The following FGD3 variants were observed in gnomAD, a reference collection of about 807,000 sequenced individuals.
The protein encoded by FGD3 is FYVE, RhoGEF and PH domain-containing protein 3.
A neutral mutation model predicts 71.8 loss-of-function variants in FGD3; 45 were observed. That is an observed-to-expected ratio of 0.63 (90% CI 0.49 to 0.80). The LOEUF (loss-of-function observed/expected upper bound fraction) is 0.80, where lower values mean the gene tolerates loss of function less well. FGD3 is among the 30% of genes least tolerant of loss of function. The pLI is 0.00. For synonymous variants in FGD3, 378 were observed against 392.8 expected (o/e 0.96, Z 0.44); for missense variants, 844 against 951.5 (o/e 0.89, Z 1.49).
At chr9:92,957,592 G>C (rs1003376724) in intron 1 of FGD3, among the ~76,000 whole-genome samples, 1 of 144,522 alleles carries the variant, frequency 6.9e-6, no homozygotes, top group African/African-American at 2.6e-5. Context: ...GAATCTTTTT[G>C]TATTCTGGAC....
Position 93,004,154 on chromosome 9 carries a change from C to T in FGD3, c.680+17C>T. On this transcript the variant is annotated intron_variant, in intron 5 of 17. Transcript: ENST00000375482. ...GGAGGAGTGGTGAGTACCATCTGCG[C>T]ATGCCCATGGGGCCCCTCAAGTGTT... The T allele has an allele frequency of 6.2e-7, 1 of 1,612,590 alleles. No individual in the cohort carries two copies. Among genetic ancestry groups the T allele is most frequent in the Non-Finnish European group, 8.5e-7 (1 of 1,179,940 alleles).
At chr9:92,954,098 G>A (rs889636950) in intron 1 of FGD3, among the ~76,000 whole-genome samples, 3 of 152,214 alleles carry the variant, frequency 2.0e-5, no homozygotes, top group Admixed American at 1.3e-4. Flanking sequence ...GAAAATTCCC[G>A]GAAGCTCACC....
chr9:93,025,336 C>T (rs546412982), intron 14 of FGD3, among the ~76,000 whole-genome samples: 60 of 152,338 alleles, frequency 3.9e-4, no homozygotes, highest in African/African-American at 1.4e-3. Context: ...AGCTCCAGCC[C>T]AGGGCCTCCC....
rs869043960 is a variant in FGD3 at position 92,971,566 on chromosome 9, C to CT, written c.-217-3645dup. Among the ~76,000 whole-genome samples, 393 of 39,574 alleles carry CT rather than the reference C, an allele frequency of 9.9e-3. 13 individuals are homozygous for CT. Among genetic ancestry groups the CT allele is most frequent in the Non-Finnish European group, 0.013 (271 of 21,536 alleles). The allele number at this position is 39,574 out of a possible 152,430, so 26.0% of individuals were successfully genotyped here. A position where few individuals can be genotyped will look rare whatever the true frequency, so the allele number is the denominator to read the frequency against. ...TTTTTCTTTTCTTTTCTTTTCTTTT[C>CT]TTTTTTTTTTTTTTTTTTTTTTTTT... On this transcript the variant is annotated intron_variant, in intron 1 of 17. Coordinates refer to ENST00000375482, the MANE Select transcript of FGD3 (RefSeq NM_001083536.2).
At chr9:93,020,902 G>A (rs10992582) in intron 13 of FGD3, among the ~76,000 whole-genome samples, 59,078 of 152,156 alleles carry the variant, frequency 0.39, 12,667 homozygotes, top group African/African-American at 0.57. Context: ...CCCCAGGCCC[G>A]TGGTCAGCGC....
intron 6 of FGD3, among the ~76,000 whole-genome samples, chr9:93,006,871 C>T (rs1192567023): frequency 2.0e-5 from 3 of 151,454 alleles, no homozygotes; most frequent in East Asian, 3.9e-4. Flanking sequence ...GGAATACAGG[C>T]GCCCACCACC....
intron 13 of FGD3, 149 bp from the exon 14 acceptor site, chr9:93,022,178 G>A: frequency 2.8e-6 from 2 of 701,950 alleles, no homozygotes; most frequent in Admixed American, 2.8e-5. Flanking sequence ...TTCCCCAGAG[G>A]CACAGCAAAT....
At chr9:92,983,456 C>T (rs1321568542) in intron 3 of FGD3, among the ~76,000 whole-genome samples, 1 of 151,240 alleles carries the variant, frequency 6.6e-6, no homozygotes, top group Non-Finnish European at 1.5e-5. Context: ...ACCCGGGAGG[C>T]AGAGCTTTCA....
intron 5 of FGD3, among the ~76,000 whole-genome samples, chr9:93,004,378 T>C (rs1460172561): frequency 6.6e-6 from 1 of 152,234 alleles, no homozygotes; most frequent in Non-Finnish European, 1.5e-5. Context: ...TGAAGGGCTT[T>C]TAACGCCCCA....
At chr9:93,027,924 G>A (rs1321196430) in intron 14 of FGD3, among the ~76,000 whole-genome samples, 5 of 151,642 alleles carry the variant, frequency 3.3e-5, no homozygotes, top group South Asian at 2.1e-4. Context: ...TCACTATGTC[G>A]CCCAGATTGG....
chr9:92,966,780 G>A (rs1456805893), intron 1 of FGD3, among the ~76,000 whole-genome samples: 1 of 152,258 alleles, frequency 6.6e-6, no homozygotes, highest in African/African-American at 2.4e-5. Flanking sequence ...CCCCAGCTGG[G>A]CAGGGAGGTT....
chr9:92,997,806 T>A (rs1860705305), intron 3 of FGD3, among the ~76,000 whole-genome samples: 1 of 152,238 alleles, frequency 6.6e-6, no homozygotes, highest in Non-Finnish European at 1.5e-5. Flanking sequence ...CCCCACTCTC[T>A]TCTGGCTTGT....
At position 93,006,191 on chromosome 9, in the gene FGD3, C is replaced by A; in HGVS notation, c.837+11C>A. 6.5e-7 allele frequency: 1 copy of A among 1,546,310 alleles called. No homozygotes were observed. Among genetic ancestry groups the A allele is most frequent in the South Asian group, 1.2e-5 (1 of 82,006 alleles). On this transcript the variant is annotated intron_variant, in intron 6 of 17. Transcript: ENST00000375482. ...GTCCACAGCATCCAGGTAAGGCCGG[C>A]AGTGGGAGTGTGGACACAGATGTTC...
In FGD3 at chr9:93,003,936, G is replaced by A. The variant is rs771310440; in HGVS notation, c.544-65G>A. 99 of 1,594,226 alleles carry A rather than the reference G, an allele frequency of 6.2e-5. No individual in the cohort carries two copies. Among genetic ancestry groups the A allele is most frequent in the Middle Eastern group, 1.7e-4 (1 of 5,994 alleles). On this transcript the variant is annotated intron_variant, in intron 4 of 17. Coordinates refer to ENST00000375482, the MANE Select transcript of FGD3 (RefSeq NM_001083536.2). The surrounding 1 kb of genome is among the most constrained non-coding windows in gnomAD (Gnocchi z 4.1). ...CCGAGCGCCCTCACCTGTGGCCGAA[G>A]CGGGGCGGCAACTGTGCTCAGTGGA...
chr9:93,034,566 C>G lies in FGD3; in HGVS notation c.1811C>G (p.Pro604Arg). 6.2e-7 allele frequency: 1 copy of G among 1,612,930 alleles called. No individual in the cohort carries two copies. Among genetic ancestry groups the G allele is most frequent in the Non-Finnish European group, 8.5e-7 (1 of 1,179,586 alleles). Residue 604 changes from proline to arginine, a missense_variant, in exon 17 of 18, where the codon CCC (proline) becomes CGC (arginine). Transcript: ENST00000375482. ...TEKTPTADPQ[P>R]SLLCGPLRLS... ...AAGACACCCACTGCAGACCCCCAGC[C>G]CAGCCTGCTCTGCGGCCCCCTGCGG...
At chr9:93,030,124 CTGGCTCA>C in intron 15 of FGD3, 128 bp downstream of exon 15, 1 of 1,105,678 alleles carries the variant, frequency 9.0e-7, no homozygotes, top group Non-Finnish European at 1.3e-6. Flanking sequence ...CTTCCTGATC[CTGGCTCA>C]TGGATATAGA....
At chr9:93,011,438 C>T (rs1045052431) in intron 8 of FGD3, among the ~76,000 whole-genome samples, 166 bp downstream of exon 8, 4 of 152,200 alleles carry the variant, frequency 2.6e-5, no homozygotes, top group African/African-American at 7.2e-5. Context: ...TGGACAGCCC[C>T]GCCCCTTGCT....
At chr9:92,985,285 C>T (rs1367522043) in intron 3 of FGD3, among the ~76,000 whole-genome samples, 1 of 152,186 alleles carries the variant, frequency 6.6e-6, no homozygotes, top group Non-Finnish European at 1.5e-5. Context: ...GCCTCTGGTC[C>T]CTGCACTTCT....
At chr9:93,014,806 T>C (rs1169305110) in intron 9 of FGD3, among the ~76,000 whole-genome samples, 2 of 151,904 alleles carry the variant, frequency 1.3e-5, no homozygotes, top group Non-Finnish European at 2.9e-5. Context: ...CACGCCCGGC[T>C]AATTTTTGTA....
Sources: allele counts gnomAD v4.1 joint callset (sites outside exome capture counted in the v4.1 genomes callset), GRCh38; gene constraint gnomAD v4.1.1; non-coding constraint Gnocchi (gnomAD v3.1); transcripts MANE v1.5; gene names NCBI Gene and HGNC (gene_info 2026-07-23, HGNC 2026-07-21).